The following CEP85L variants were observed in gnomAD, a reference collection of about 807,000 sequenced individuals.
CEP85L encodes the protein centrosomal protein of 85 kDa-like.
In CEP85L, 60 loss-of-function variants were observed where a neutral mutation model predicts 100.3. That is an observed-to-expected ratio of 0.60 (90% CI 0.49 to 0.74). CEP85L has a LOEUF of 0.74. CEP85L is among the 30% of genes least tolerant of loss of function. The pLI is 0.00. For missense variants in CEP85L, 973 were observed against 936.2 expected, an observed-to-expected ratio of 1.04 and a Z score of -0.51; for synonymous variants, 319 against 322.7, an observed-to-expected ratio of 0.99 and a Z score of 0.12.
intron 1 of CEP85L, among the ~76,000 whole-genome samples, chr6:118,664,749 A>G (rs999303875): frequency 2.0e-5 from 3 of 152,156 alleles, no homozygotes; most frequent in Non-Finnish European, 4.4e-5. Flanking sequence ...CTGGCTCCAA[A>G]TCTTTCATCT....
Position 118,651,248 on chromosome 6 carries a change from G to C in CEP85L, c.22C>G (p.Pro8Ala), listed in dbSNP as rs1438600412. ...GGGCTATCCCGGCCGCTGGCCTCCG[G>C]AGCCAGGAAGCGCCCCCACATCGCG... is the stretch of plus-strand genomic sequence containing the variant. MWGRFLA[P>A]EASGRDSPGG... Residue 8 changes from proline (P) to alanine (A), a missense_variant, in exon 1 of 13, where the codon CCG becomes GCG. Pro to Ala is a conservative substitution (Grantham distance 27). Coordinates refer to ENST00000368491, the MANE Select transcript of CEP85L (RefSeq NM_001042475.3). 1.3e-6 allele frequency: 2 copies of C among 1,492,738 alleles called. No individual in the cohort carries two copies. Among genetic ancestry groups the C allele is most frequent in the Admixed American group, 2.2e-5 (1 of 46,010 alleles). The allele number at this position is 1,492,738 out of a possible 1,614,324, so 92.5% of individuals were successfully genotyped here. A position where few individuals can be genotyped will look rare whatever the true frequency, so the allele number is the denominator to read the frequency against.
chr6:118,662,561 G>GTTA (rs1776010255), intron 1 of CEP85L, among the ~76,000 whole-genome samples: 1 of 151,400 alleles, frequency 6.6e-6, no homozygotes, highest in Non-Finnish European at 1.5e-5. Context: ...AATAGTATGA[G>GTTA]TTATTATTAT....
At chr6:118,515,656 GAAGAA>G (rs1776230835) in intron 4 of CEP85L, among the ~76,000 whole-genome samples, 1 of 152,080 alleles carries the variant, frequency 6.6e-6, no homozygotes, top group Non-Finnish European at 1.5e-5. Flanking sequence ...TAGGGTCAAA[GAAGAA>G]ATCAGAAGAT....
intron 2 of CEP85L, among the ~76,000 whole-genome samples, chr6:118,615,524 C>T (rs1228699081): frequency 3.9e-5 from 6 of 152,158 alleles, no homozygotes; most frequent in Admixed American, 1.3e-4. Context: ...ACACCGTGCA[C>T]GTTCCGAGAA....
At chr6:118,681,780 C>T (rs1776669426) in intron 1 of CEP85L, among the ~76,000 whole-genome samples, 2 of 144,474 alleles carry the variant, frequency 1.4e-5, no homozygotes, top group African/African-American at 2.6e-5. Flanking sequence ...GACAGAGTCT[C>T]GCTCTGTTGC....
chr6:118,514,102 T>G (rs1439295019), intron 4 of CEP85L, among the ~76,000 whole-genome samples: 1 of 152,162 alleles, frequency 6.6e-6, no homozygotes, highest in African/African-American at 2.4e-5. Flanking sequence ...TTATAAACTC[T>G]AAAGCAATCA....
intron 2 of CEP85L, among the ~76,000 whole-genome samples, chr6:118,585,839 C>A (rs1464084955): frequency 1.3e-5 from 2 of 152,162 alleles, no homozygotes; most frequent in Non-Finnish European, 2.9e-5. Flanking sequence ...CAAAAAGATA[C>A]CCAAGGGAGG....
Position 118,624,510 on chromosome 6 carries a change from T to A in CEP85L, c.232+7943A>T, listed in dbSNP as rs115993138. Reference sequence around the variant, plus strand: ...AAGTATTCTTTCTGCCACCTCTTCATCCCTCCCCAACTGCACTTGCTTCTC... The same window carrying A: ...AAGTATTCTTTCTGCCACCTCTTCAACCCTCCCCAACTGCACTTGCTTCTC... On this transcript the variant is annotated intron_variant, in intron 2 of 12. Coordinates refer to ENST00000368491, the MANE Select transcript of CEP85L (RefSeq NM_001042475.3). 2.4e-3 allele frequency among the ~76,000 whole-genome samples: 369 copies of A among 152,208 alleles called. 1 individual carries two copies. Among genetic ancestry groups the A allele is most frequent in the African/African-American group, 8.5e-3 (353 of 41,540 alleles).
At chr6:118,538,128 T>A (rs1777702897) in intron 3 of CEP85L, 1 of 195,812 alleles carries the variant, frequency 5.1e-6, no homozygotes, top group Non-Finnish European at 9.2e-6. Context: ...ATTTATGGAG[T>A]GCATTATTAC....
intron 2 of CEP85L, among the ~76,000 whole-genome samples, chr6:118,577,323 G>A (rs533987258): frequency 1.4e-4 from 22 of 152,240 alleles, no homozygotes; most frequent in African/African-American, 4.3e-4. Context: ...CGGCACTTGC[G>A]CTCTAATCCA....
chr6:118,617,298 T>A (rs1773126130), intron 2 of CEP85L, among the ~76,000 whole-genome samples: 1 of 152,122 alleles, frequency 6.6e-6, no homozygotes, highest in Non-Finnish European at 1.5e-5. Flanking sequence ...AGCGAGAATT[T>A]TAGGTGTAAG....
chr6:118,657,711 G>A (rs1295037597), intron 1 of CEP85L, among the ~76,000 whole-genome samples: 1 of 148,878 alleles, frequency 6.7e-6, no homozygotes, highest in Non-Finnish European at 1.5e-5. Context: ...GCTTCTGACT[G>A]GACTGGGCCA....
chr6:118,519,489 TGAAACTCC>T (rs1776509350), intron 4 of CEP85L, among the ~76,000 whole-genome samples: 4 of 47,022 alleles, frequency 8.5e-5, no homozygotes, highest in Non-Finnish European at 1.1e-4. Context: ...GGGGGGGTTG[TGAAACTCC>T]GTGTGCGTGT....
At chr6:118,549,375 C>G (rs930344921) in intron 3 of CEP85L, among the ~76,000 whole-genome samples, 1 of 151,840 alleles carries the variant, frequency 6.6e-6, no homozygotes, top group African/African-American at 2.4e-5. Context: ...CTTTATGTTA[C>G]AATCCTCAAT....
chr6:118,501,650 G>T (rs1284612377), intron 5 of CEP85L: 1 of 643,658 alleles, frequency 1.6e-6, no homozygotes. Flanking sequence ...TTATTATAAA[G>T]CTGCAAAGAA....
chr6:118,568,767 T>G (rs516212), intron 2 of CEP85L, among the ~76,000 whole-genome samples: 32,472 of 151,770 alleles, frequency 0.21, 4,609 homozygotes, highest in East Asian at 0.61. Flanking sequence ...AACAAGAAAA[T>G]AAAGGGGAAT....
At chr6:118,584,329 A>G (rs1293500442) in intron 2 of CEP85L, among the ~76,000 whole-genome samples, 1 of 152,158 alleles carries the variant, frequency 6.6e-6, no homozygotes, top group Non-Finnish European at 1.5e-5. Flanking sequence ...GGGAGTTGAG[A>G]ATATTTCTTC....
intron 2 of CEP85L, among the ~76,000 whole-genome samples, chr6:118,582,402 CTG>C (rs1239915456): frequency 2.6e-5 from 4 of 152,150 alleles, no homozygotes; most frequent in Admixed American, 6.5e-5. Context: ...CAGACCCTCA[CTG>C]GGGCTGAAAA....
intron 1 of CEP85L, among the ~76,000 whole-genome samples, chr6:118,688,877 A>G (rs555233810): frequency 1.9e-3 from 295 of 152,352 alleles, no homozygotes; most frequent in Non-Finnish European, 2.5e-3. Context: ...CCCTAGAGCC[A>G]TTGGGCATGT....
Sources: gnomAD v4.1 joint callset for allele counts (sites outside exome capture counted in the v4.1 genomes callset) on GRCh38, gnomAD v4.1.1 for gene constraint, MANE v1.5 for transcripts, NCBI Gene and HGNC (gene_info 2026-07-23, HGNC 2026-07-21) for gene names.